The following KDM1A variants were observed in gnomAD, a reference collection of about 807,000 sequenced individuals.
KDM1A encodes lysine demethylase 1A.
Under a neutral mutation model 109.4 loss-of-function variants are expected in KDM1A, and 49 were observed. That is an observed-to-expected ratio of 0.45 (90% confidence interval 0.36 to 0.57). The LOEUF (loss-of-function observed/expected upper bound fraction) is 0.57. KDM1A is among the 20% of genes least tolerant of loss of function. The pLI, the probability that KDM1A is intolerant of heterozygous loss-of-function variation, is 0.00. For synonymous variants in KDM1A, 380 were observed against 415.4 expected, an observed-to-expected ratio of 0.91 and a Z score of 1.04; for missense variants, 668 against 1,116.6, an observed-to-expected ratio of 0.60 and a Z score of 5.73.
intron 2 of KDM1A, among the ~76,000 whole-genome samples, chr1:23,034,846 C>G (rs1409869288): frequency 6.6e-6 from 1 of 152,066 alleles, no homozygotes; most frequent in Non-Finnish European, 1.5e-5. Flanking sequence ...TATTAAGATG[C>G]CTTTCTTAAG....
At chr1:23,036,626 G>A (rs1181196295) in intron 2 of KDM1A, among the ~76,000 whole-genome samples, 1 of 151,968 alleles carries the variant, frequency 6.6e-6, no homozygotes, top group African/African-American at 2.4e-5. Flanking sequence ...AATGGATCAA[G>A]ATAAATACGC....
At chr1:23,067,194 A>G (rs1643182678) in intron 10 of KDM1A, among the ~76,000 whole-genome samples, 1 of 152,244 alleles carries the variant, frequency 6.6e-6, no homozygotes, top group South Asian at 2.1e-4. Context: ...TTTAATTATA[A>G]AGATACCCTG....
intron 2 of KDM1A, among the ~76,000 whole-genome samples, chr1:23,037,570 T>C (rs1370782512): frequency 1.3e-5 from 2 of 152,166 alleles, no homozygotes; most frequent in Non-Finnish European, 2.9e-5. Flanking sequence ...CTTACCCACT[T>C]TCTTGGTATT....
chr1:23,037,578 A>G (rs981344095), intron 2 of KDM1A, among the ~76,000 whole-genome samples: 22 of 152,084 alleles, frequency 1.4e-4, no homozygotes, highest in African/African-American at 5.3e-4. Flanking sequence ...CTTTCTTGGT[A>G]TTTTTCAAGA....
At chr1:23,043,496 T>G (rs1052158375) in intron 2 of KDM1A, among the ~76,000 whole-genome samples, 2 of 152,214 alleles carry the variant, frequency 1.3e-5, no homozygotes, top group Non-Finnish European at 2.9e-5. Context: ...AAATAAACTT[T>G]AATGAAGCTT....
At chr1:23,027,473 G>A (rs567343624) in intron 1 of KDM1A, among the ~76,000 whole-genome samples, 1 of 137,928 alleles carries the variant, frequency 7.3e-6, no homozygotes, top group South Asian at 2.3e-4. Context: ...GGAGTGCAGT[G>A]TTTAGATCAC....
At chr1:23,041,458 T>C (rs1642330932) in intron 2 of KDM1A, among the ~76,000 whole-genome samples, 1 of 122,520 alleles carries the variant, frequency 8.2e-6, no homozygotes, top group Non-Finnish European at 1.8e-5. Flanking sequence ...TTTTTTTTTT[T>C]TGGAGACCGA....
intron 9 of KDM1A, among the ~76,000 whole-genome samples, chr1:23,063,237 T>G (rs1379734629): frequency 2.2e-4 from 27 of 120,566 alleles, no homozygotes; most frequent in African/African-American, 7.9e-4. Flanking sequence ...TGTGGGTGTG[T>G]GTGTGTGTGT....
Position 23,024,302 on chromosome 1 carries a change from A to C in KDM1A, c.351+4355A>C, listed in dbSNP as rs930878904. On this transcript the variant is annotated intron_variant, in intron 1 of 20. Transcript: ENST00000400181. Reference sequence around the variant, plus strand: ...AGCAACTACTAGGAAGCTAGCAACTATCCAGTCTTGGGATCCAGAGGAAAC... The same window carrying C: ...AGCAACTACTAGGAAGCTAGCAACTCTCCAGTCTTGGGATCCAGAGGAAAC... Among the ~76,000 whole-genome samples, 39 of 152,350 alleles carry C rather than the reference A, an allele frequency of 2.6e-4. 1 individual carries two copies. Among genetic ancestry groups the C allele is most frequent in the African/African-American group, 8.9e-4 (37 of 41,586 alleles).
At chr1:23,060,976 C>T (rs1048676445) in intron 9 of KDM1A, among the ~76,000 whole-genome samples, 4 of 152,164 alleles carry the variant, frequency 2.6e-5, no homozygotes, top group South Asian at 4.1e-4. Flanking sequence ...ATCATTGAGA[C>T]GCCATCTTTT....
chr1:23,080,796 T>C (rs145831424), intron 18 of KDM1A: 1 of 152,378 alleles, frequency 6.6e-6, no homozygotes, highest in East Asian at 1.9e-4. Context: ...AAAGACGACT[T>C]CCAGGACACA....
intron 2 of KDM1A, among the ~76,000 whole-genome samples, chr1:23,037,667 C>A (rs1428544317): frequency 6.6e-6 from 1 of 152,112 alleles, no homozygotes; most frequent in African/African-American, 2.4e-5. Flanking sequence ...TAATGTTTCT[C>A]CCTAAAATTG....
chr1:23,056,060 T>G lies in KDM1A; in HGVS notation c.990+22T>G, dbSNP rs962557255. ...CAGGGTAAGAATTTCATTTTGAGTTTAGAGGCTTGACCTATTGGAAATATG... is the reference window on the plus strand; with the variant it reads ...CAGGGTAAGAATTTCATTTTGAGTTGAGAGGCTTGACCTATTGGAAATATG... On this transcript the variant is annotated intron_variant, in intron 7 of 20. Coordinates refer to ENST00000400181, the MANE Select transcript of KDM1A (RefSeq NM_001009999.3). The G allele has an allele frequency of 6.0e-6, 9 of 1,508,456 alleles. No individual in the cohort carries two copies. The African/African-American group carries it at 1.1e-4, about 18-fold the overall frequency. The allele number at this position is 1,508,456 out of a possible 1,614,324, so 93.4% of individuals were successfully genotyped here. A position where few individuals can be genotyped will look rare whatever the true frequency, so the allele number is the denominator to read the frequency against.
At chr1:23,043,189 C>G (rs1327533322) in intron 2 of KDM1A, among the ~76,000 whole-genome samples, 1 of 152,204 alleles carries the variant, frequency 6.6e-6, no homozygotes. Flanking sequence ...CCGATCGTCT[C>G]TTCATGATTG....
chr1:23,023,078 A>G (rs1276103340), intron 1 of KDM1A, among the ~76,000 whole-genome samples: 1 of 152,160 alleles, frequency 6.6e-6, no homozygotes. Flanking sequence ...GATGTTGGGC[A>G]TCTTTTCATG....
intron 15 of KDM1A, among the ~76,000 whole-genome samples, chr1:23,073,846 T>C (rs1293821071): frequency 1.3e-5 from 2 of 152,266 alleles, no homozygotes; most frequent in Non-Finnish European, 2.9e-5. Flanking sequence ...ATCAGTAGTT[T>C]GTTCCTTTTA....
intron 10 of KDM1A, among the ~76,000 whole-genome samples, chr1:23,068,210 A>C (rs1177575738): frequency 6.6e-6 from 1 of 152,146 alleles, no homozygotes; most frequent in South Asian, 2.1e-4. Flanking sequence ...AGCCAGCTCA[A>C]CTTAATGCAT....
At chr1:23,070,226 C>T (rs1406628996) in intron 12 of KDM1A, among the ~76,000 whole-genome samples, 1 of 152,218 alleles carries the variant, frequency 6.6e-6, no homozygotes, top group East Asian at 1.9e-4. Flanking sequence ...AATCCCAACA[C>T]TTTGAGAGGC....
chr1:23,042,257 C>T (rs1002132890), intron 2 of KDM1A, among the ~76,000 whole-genome samples: 5 of 151,746 alleles, frequency 3.3e-5, no homozygotes, highest in Non-Finnish European at 7.4e-5. Context: ...ATAATTTGAA[C>T]GATAACAGCT....
Sources: allele counts gnomAD v4.1 joint callset (sites outside exome capture counted in the v4.1 genomes callset), GRCh38; gene constraint gnomAD v4.1.1; transcripts MANE v1.5; gene names NCBI Gene and HGNC (gene_info 2026-07-23, HGNC 2026-07-21).